MAFG: variants seen among roughly 807,000 people sequenced by gnomAD.
MAFG encodes transcription factor MafG.
MAFG carries 3 observed loss-of-function variants against 12.2 expected under a neutral mutation model. The observed-to-expected ratio is 0.25, with a 90% CI of 0.11 to 0.64. The LOEUF (loss-of-function observed/expected upper bound fraction) is 0.64. Among genes scored for constraint, MAFG ranks in the 30% least tolerant of loss-of-function variants. MAFG has a pLI of 0.85. For synonymous variants in MAFG, 126 were observed against 109.1 expected, an observed-to-expected ratio of 1.15 and a Z score of -0.96; for missense variants, 153 against 235.5, an observed-to-expected ratio of 0.65 and a Z score of 2.29.
At position 81,921,666 on chromosome 17, in the gene MAFG, T is replaced by A. The variant is rs1329535346; in HGVS notation, c.*939A>T. The A allele has an allele frequency of 5.3e-5, 8 of 152,000 alleles. No individual in the cohort carries two copies. The East Asian group carries it at 1.5e-3, about 29-fold the overall frequency. The allele number at this position is 152,000 out of a possible 1,614,324, so 9.4% of individuals were successfully genotyped here. On this transcript the variant is annotated 3_prime_UTR_variant, in exon 3 of 3. Transcript: ENST00000357736. ...CAGCCACAAAGAGGTGTCCGTAAGTTTACAAGAAAGGGATTTTTTTTCTTT... is the reference window on the plus strand; with the variant it reads ...CAGCCACAAAGAGGTGTCCGTAAGTATACAAGAAAGGGATTTTTTTTCTTT...
chr17:81,918,295 A>C lies in MAFG; in HGVS notation c.*4310T>G. On this transcript the variant is annotated 3_prime_UTR_variant, in exon 3 of 3. Transcript: ENST00000357736. ...TCTCTTTAAAAGGTTTATTGATCATATACAAAATAAAGAAAACCTTATATA... is the reference window on the plus strand; with the variant it reads ...TCTCTTTAAAAGGTTTATTGATCATCTACAAAATAAAGAAAACCTTATATA... 3.6e-6 allele frequency: 2 copies of C among 550,720 alleles called. No individual in the cohort carries two copies. Among genetic ancestry groups the C allele is most frequent in the Non-Finnish European group, 5.9e-6 (2 of 339,588 alleles). 34.1% of individuals were successfully genotyped at this position (550,720 alleles called of 1,614,324 possible).
At chr17:81,931,130 G>C (rs960094527), upstream of MAFG, among the ~76,000 whole-genome samples, 2 of 152,182 alleles carry the variant, frequency 1.3e-5, no homozygotes, top group African/African-American at 4.8e-5. Flanking sequence ...TGCTTAATCA[G>C]GAACCCACAG....
chr17:81,922,729 G>T lies in MAFG; in HGVS notation c.365C>A (p.Ala122Asp). ...CCGGGCTGGCGCCACGGGGCTGCGG[G>T]CCACCGTCCGGGCGAAGGTCTGCAG... ...EALQTFARTV[A>D]RSPVAPARGP... The change falls in exon 3 of 3, where the codon GCC becomes GAC. Residue 122 changes from alanine to aspartate, a missense_variant. Physicochemically the swap from Ala to Asp is moderately radical, Grantham distance 126. This residue lies in a region of MAFG where 81 missense variants were observed against 94.7 expected (regional missense o/e 0.86). Transcript: ENST00000357736. 1 of 1,568,208 alleles carries T rather than the reference G, an allele frequency of 6.4e-7. No individual in the cohort carries two copies.
rs1003837806 is a variant in MAFG at position 81,922,496 on chromosome 17, T to TG, written c.*108dup. ...GTGCTTTGCAGGGAAGAGAGAAGGG[T>TG]GGGGAAGAGAGGGAGGAAAGAGAAG... is the stretch of plus-strand genomic sequence containing the variant. On this transcript the variant is annotated 3_prime_UTR_variant, in exon 3 of 3. Transcript: ENST00000357736. The TG allele has an allele frequency of 2.5e-5, 21 of 851,046 alleles. No individual in the cohort carries two copies. Among genetic ancestry groups the TG allele is most frequent in the Non-Finnish European group, 3.2e-5 (19 of 595,094 alleles). The allele number at this position is 851,046 out of a possible 1,614,324, so 52.7% of individuals were successfully genotyped here.
chr17:81,928,966 G>A (rs2040963748), upstream of MAFG, among the ~76,000 whole-genome samples: 1 of 152,156 alleles, frequency 6.6e-6, no homozygotes, highest in Admixed American at 6.5e-5. This position sits in a 1 kb window ranked among gnomAD's most constrained non-coding sequence, Gnocchi z 8.1. Flanking sequence ...GCGGGGACCT[G>A]GCGGGCCCCC....
Position 81,921,012 on chromosome 17 carries a change from T to A in MAFG, c.*1593A>T, listed in dbSNP as rs933457829. 6.6e-6 allele frequency: 1 copy of A among 152,370 alleles called. No homozygotes were observed. Among genetic ancestry groups the A allele is most frequent in the African/African-American group, 2.4e-5 (1 of 41,448 alleles). The allele number at this position is 152,370 out of a possible 1,614,324, so 9.4% of individuals were successfully genotyped here. A position where few individuals can be genotyped will look rare whatever the true frequency, so the allele number is the denominator to read the frequency against. ...CCAGAGGAAGACGGCCAGGGAACGC[T>A]TGGCCATAGCCCTGTGGCCACCCAC... On this transcript the variant is annotated 3_prime_UTR_variant, in exon 3 of 3. Coordinates refer to ENST00000357736, the MANE Select transcript of MAFG (RefSeq NM_002359.4).
chr17:81,929,627 A>G (rs1156437705), upstream of MAFG: 4 of 152,322 alleles, frequency 2.6e-5, no homozygotes, highest in Non-Finnish European at 5.9e-5. The surrounding 1 kb of genome is among the most constrained non-coding windows in gnomAD (Gnocchi z 5.7). Flanking sequence ...GGGCCAAACC[A>G]TGAGGCCACC....
At chr17:81,925,371 A>AG (rs1211418243) in intron 1 of MAFG, among the ~76,000 whole-genome samples, 2 of 152,232 alleles carry the variant, frequency 1.3e-5, no homozygotes, top group Non-Finnish European at 2.9e-5. Flanking sequence ...GCCTGAACAC[A>AG]GACAGCCCCA....
rs192826454 is a variant in MAFG, at chr17:81,920,401, T to C, written c.*2204A>G. On this transcript the variant is annotated 3_prime_UTR_variant, in exon 3 of 3. Coordinates refer to ENST00000357736, the MANE Select transcript of MAFG (RefSeq NM_002359.4). ...CCACCATCCATAGGGTTAAGCCCTG[T>C]TGGGCCACAGTTTTTCATCTTACCC... 8 of 152,388 alleles carry C rather than the reference T, an allele frequency of 5.2e-5. 1 individual carries two copies. Among genetic ancestry groups the C allele is most frequent in the Admixed American group, 5.2e-4 (8 of 15,308 alleles). The allele number at this position is 152,388 out of a possible 1,614,324, so 9.4% of individuals were successfully genotyped here.
At position 81,920,207 on chromosome 17, in the gene MAFG, T is replaced by C. The variant is rs1242009093; in HGVS notation, c.*2398A>G. On this transcript the variant is annotated 3_prime_UTR_variant, in exon 3 of 3. Coordinates refer to ENST00000357736, the MANE Select transcript of MAFG (RefSeq NM_002359.4). ...AGGGGAGGGGGATGAAGTCACTAAA[T>C]GACAAGAGTCAACAGCCAATATTTC... The C allele has an allele frequency of 2.6e-5, 4 of 152,184 alleles. No individual in the cohort carries two copies. Among genetic ancestry groups the C allele is most frequent in the East Asian group, 1.9e-4 (1 of 5,198 alleles). The allele number at this position is 152,184 out of a possible 1,614,324, so 9.4% of individuals were successfully genotyped here.
rs1335090265 is a variant in MAFG at position 81,919,401 on chromosome 17, T to C, written c.*3204A>G. The stretch of plus-strand genomic sequence containing the variant: ...GAAGTGTACACACATATCTGAAACA[T>C]GCACCAAGAGCTGAGCCAGCAACAC... On this transcript the variant is annotated 3_prime_UTR_variant, in exon 3 of 3. Coordinates refer to ENST00000357736, the MANE Select transcript of MAFG (RefSeq NM_002359.4). The C allele has an allele frequency of 3.3e-5, 5 of 152,262 alleles. No individual in the cohort carries two copies. The highest frequency in any genetic ancestry group is 7.3e-5 in the Non-Finnish European group (5 of 68,118). The allele number at this position is 152,262 out of a possible 1,614,324, so 9.4% of individuals were successfully genotyped here. A position where few individuals can be genotyped will look rare whatever the true frequency, so the allele number is the denominator to read the frequency against.
intron 1 of MAFG, chr17:81,923,509 G>C (rs2040916201): frequency 1.3e-5 from 4 of 312,116 alleles, no homozygotes; most frequent in Non-Finnish European, 2.4e-5. Context: ...GGGCAGGGGA[G>C]AGATTAGAAG....
At chr17:81,928,041 G>C (rs987587448), upstream of MAFG, 2 of 152,218 alleles carry the variant, frequency 1.3e-5, no homozygotes, top group Admixed American at 6.5e-5. The surrounding 1 kb of genome is among the most constrained non-coding windows in gnomAD (Gnocchi z 8.1). Context: ...TTTCCAGCTC[G>C]AGTGCTCAGC....
At position 81,922,863 on chromosome 17, in the gene MAFG, C is replaced by T; in HGVS notation, c.231G>A (p.Glu77=). 3 of 1,611,722 alleles carry T rather than the reference C, an allele frequency of 1.9e-6. No individual in the cohort carries two copies. Among genetic ancestry groups the T allele is most frequent in the Non-Finnish European group, 1.7e-6 (2 of 1,179,290 alleles). The part of the protein sequence containing the change: ...SCRVKRVTQK[E]ELEKQKAELQ... ...GCTCCGCCTTCTGCTTCTCCAGCTC[C>T]TCCTTCTGCGTCACCCGCTTCACGC... The change falls in exon 3 of 3, where the codon GAG becomes GAA. Residue 77 remains glutamate, a synonymous_variant. Coordinates refer to ENST00000357736, the MANE Select transcript of MAFG (RefSeq NM_002359.4).
chr17:81,923,402 C>CT (rs1055237094), intron 1 of MAFG, 188 bp from the exon 2 acceptor site: 104 of 486,716 alleles, frequency 2.1e-4, no homozygotes, highest in African/African-American at 1.7e-3. Context: ...GAGCTGCTTC[C>CT]TGTCCACCCT....
intron 2 of MAFG, 26 bp from the exon 3 acceptor site, chr17:81,923,083 G>C: frequency 3.1e-6 from 5 of 1,608,636 alleles, no homozygotes; most frequent in Non-Finnish European, 4.2e-6. Context: ...GGTGGTCACA[G>C]GCCAAGCGGG....
Position 81,922,587 on chromosome 17 carries a change from C to G in MAFG, c.*18G>C, listed in dbSNP as rs772796646. ...GCCTAGTGGCCCCGCAAAGACCCGC[C>G]TGGGCAGACGCGCGTCCCTACGATC... On this transcript the variant is annotated 3_prime_UTR_variant, in exon 3 of 3. Coordinates refer to ENST00000357736, the MANE Select transcript of MAFG (RefSeq NM_002359.4). 9 of 1,443,636 alleles carry G rather than the reference C, an allele frequency of 6.2e-6. No homozygotes were observed. The highest frequency in any genetic ancestry group is 8.2e-6 in the Non-Finnish European group (9 of 1,099,756). The allele number at this position is 1,443,636 out of a possible 1,614,324, so 89.4% of individuals were successfully genotyped here.
upstream of MAFG, among the ~76,000 whole-genome samples, chr17:81,929,023 G>C (rs1031475178): frequency 6.6e-6 from 1 of 152,212 alleles, no homozygotes; most frequent in East Asian, 1.9e-4. This position sits in a 1 kb window ranked among gnomAD's most constrained non-coding sequence, Gnocchi z 5.7. Flanking sequence ...GGGAGCTGGA[G>C]CCACGGTGCC....
intron 1 of MAFG, among the ~76,000 whole-genome samples, chr17:81,925,665 G>A (rs987924789): frequency 2.6e-5 from 4 of 152,022 alleles, no homozygotes; most frequent in African/African-American, 7.2e-5. Flanking sequence ...AAAAATAGCC[G>A]GGCGTCGTGG....
Sources: allele counts gnomAD v4.1 joint callset (sites outside exome capture counted in the v4.1 genomes callset), GRCh38; gene constraint gnomAD v4.1.1; regional missense constraint gnomAD v4.1.1; non-coding constraint Gnocchi (gnomAD v3.1); transcripts MANE v1.5; gene names NCBI Gene and HGNC (gene_info 2026-07-23, HGNC 2026-07-21).